The following NRXN3 variants were observed in gnomAD, a reference collection of about 807,000 sequenced individuals.
NRXN3 encodes neurexin 3.
In NRXN3, 32 loss-of-function variants were observed where a neutral mutation model predicts 137.6. That is an observed-to-expected ratio of 0.23 (90% CI 0.18 to 0.31). The LOEUF is 0.31. NRXN3 is among the 10% of genes least tolerant of loss of function. The pLI is 1.00. For missense variants in NRXN3, 1,574 were observed against 2,062.5 expected, an observed-to-expected ratio of 0.76 and a Z score of 4.59; for synonymous variants, 798 against 784.5, an observed-to-expected ratio of 1.02 and a Z score of -0.29.
intron 15 of NRXN3, among the ~76,000 whole-genome samples, chr14:79,387,102 G>C (rs1031916936): frequency 2.7e-4 from 41 of 152,012 alleles, no homozygotes; most frequent in Admixed American, 1.3e-3. Flanking sequence ...ATTGACAAAT[G>C]GGATCTAATT....
chr14:79,687,200 A>C (rs1272222329), intron 17 of NRXN3, among the ~76,000 whole-genome samples: 1 of 152,178 alleles, frequency 6.6e-6, no homozygotes, highest in East Asian at 1.9e-4. Flanking sequence ...TATAAATACA[A>C]GATATTAGTT....
At chr14:79,514,188 TC>T (rs10709465) in intron 16 of NRXN3, among the ~76,000 whole-genome samples, 39,633 of 126,602 alleles carry the variant, frequency 0.31, 5,829 homozygotes, top group South Asian at 0.45. Context: ...CACCACCCCC[TC>T]CCCCCGCTCC....
chr14:79,788,793 G>A (rs117521220), intron 19 of NRXN3, among the ~76,000 whole-genome samples: 47 of 152,240 alleles, frequency 3.1e-4, no homozygotes, highest in Non-Finnish European at 5.9e-4. Context: ...ATTGAGTTGC[G>A]ATGCTAAAGG....
At chr14:78,540,435 C>CTTTTT (rs537566835) in intron 4 of NRXN3, among the ~76,000 whole-genome samples, 2 of 116,606 alleles carry the variant, frequency 1.7e-5, no homozygotes, top group African/African-American at 3.2e-5. Context: ...GCAACCCCTG[C>CTTTTT]TTTTTTTTTT....
intron 15 of NRXN3, among the ~76,000 whole-genome samples, chr14:79,101,977 T>G (rs1201412219): frequency 2.0e-5 from 3 of 151,556 alleles, no homozygotes; most frequent in Admixed American, 2.0e-4. Context: ...GAGGCTGGAG[T>G]GATGCATCTA....
At chr14:78,629,961 T>C (rs1023289325) in intron 4 of NRXN3, among the ~76,000 whole-genome samples, 5 of 152,240 alleles carry the variant, frequency 3.3e-5, no homozygotes, top group African/African-American at 4.8e-5. Context: ...AACATCACAC[T>C]AACTCGATGC....
rs1012641669 is a variant in NRXN3 at position 79,553,076 on chromosome 14, G to A, written c.3444+85674G>A. Among the ~76,000 whole-genome samples the A allele has an allele frequency of 7.9e-5, 12 of 152,126 alleles. 1 individual carries two copies. The highest frequency in any genetic ancestry group is 5.9e-4 in the Admixed American group (9 of 15,262). ...TGTGGGGGGTGGGGAAAGCTGTGCA[G>A]GAGAAAGTCAGAGAAAGACCTTGGT... On this transcript the variant is annotated intron_variant, in intron 16 of 20. Coordinates refer to ENST00000335750, the MANE Select transcript of NRXN3 (RefSeq NM_001330195.2).
intron 15 of NRXN3, among the ~76,000 whole-genome samples, chr14:79,131,987 C>T (rs991836977): frequency 2.4e-4 from 36 of 152,244 alleles, no homozygotes; most frequent in Non-Finnish European, 7.3e-5. Flanking sequence ...AAGGGAACTC[C>T]CTGACCCCTT....
chr14:79,183,688 T>C (rs1033607925), intron 15 of NRXN3, among the ~76,000 whole-genome samples: 3 of 152,230 alleles, frequency 2.0e-5, no homozygotes, highest in Non-Finnish European at 4.4e-5. Context: ...GCTCACATAA[T>C]GGCTATGTCT....
chr14:78,723,135 T>C (rs1317219516), intron 8 of NRXN3, among the ~76,000 whole-genome samples: 1 of 152,134 alleles, frequency 6.6e-6, no homozygotes, highest in Non-Finnish European at 1.5e-5. Context: ...TTAGGCATTA[T>C]CTTATAGGAA....
At chr14:79,751,356 G>T (rs867520533) in intron 19 of NRXN3, among the ~76,000 whole-genome samples, 1 of 132,402 alleles carries the variant, frequency 7.6e-6, no homozygotes. Context: ...GTTCACTCAT[G>T]ATTTGGCTCT....
chr14:78,820,501 C>T (rs1421820076), intron 10 of NRXN3, among the ~76,000 whole-genome samples: 2 of 148,530 alleles, frequency 1.3e-5, no homozygotes, highest in Non-Finnish European at 3.0e-5. Context: ...AGCTTTTTAA[C>T]TCTGAGTTTA....
chr14:79,450,135 A>G (rs1371602762), intron 15 of NRXN3, among the ~76,000 whole-genome samples: 1 of 151,978 alleles, frequency 6.6e-6, no homozygotes, highest in Non-Finnish European at 1.5e-5. Flanking sequence ...TAAGTGCCCT[A>G]GAGTAATTCT....
intron 19 of NRXN3, among the ~76,000 whole-genome samples, chr14:79,782,458 A>G (rs552458732): frequency 6.6e-6 from 1 of 152,234 alleles, no homozygotes; most frequent in Admixed American, 6.5e-5. Flanking sequence ...ACGCATACAA[A>G]TGAAAAGTAT....
intron 19 of NRXN3, among the ~76,000 whole-genome samples, chr14:79,770,834 G>C (rs2099075101): frequency 6.6e-6 from 1 of 151,888 alleles, no homozygotes; most frequent in African/African-American, 2.4e-5. Flanking sequence ...ATGAATCCAG[G>C]AGCTGGTTTT....
At chr14:79,858,522 C>T (rs1265908483) in intron 20 of NRXN3, among the ~76,000 whole-genome samples, 3 of 152,082 alleles carry the variant, frequency 2.0e-5, no homozygotes, top group African/African-American at 7.2e-5. Context: ...GTCCTTTAAC[C>T]TAGTTTCCTC....
At chr14:79,073,447 A>G (rs548542233) in intron 15 of NRXN3, among the ~76,000 whole-genome samples, 1 of 152,282 alleles carries the variant, frequency 6.6e-6, no homozygotes, top group East Asian at 1.9e-4. Flanking sequence ...GCATTGTGCC[A>G]TGTAAGAAAA....
At chr14:79,024,359 T>C (rs1316731370) in intron 15 of NRXN3, among the ~76,000 whole-genome samples, 1 of 152,166 alleles carries the variant, frequency 6.6e-6, no homozygotes, top group Admixed American at 6.5e-5. Flanking sequence ...TAAAATTCAA[T>C]AAAATCAAAT....
intron 15 of NRXN3, among the ~76,000 whole-genome samples, chr14:79,341,179 G>A (rs2092591539): frequency 1.3e-5 from 2 of 152,090 alleles, no homozygotes; most frequent in Non-Finnish European, 2.9e-5. Context: ...CAGTCATTAT[G>A]ATGCACACCT....
Sources: allele counts gnomAD v4.1 joint callset (sites outside exome capture counted in the v4.1 genomes callset), GRCh38; gene constraint gnomAD v4.1.1; transcripts MANE v1.5; gene names NCBI Gene and HGNC (gene_info 2026-07-23, HGNC 2026-07-21).